SUGCT: variants seen among roughly 807,000 people sequenced by gnomAD.
SUGCT encodes the protein succinyl-CoA:glutarate-CoA transferase.
In SUGCT, 41 loss-of-function variants were observed where a neutral mutation model predicts 55.0. The ratio of observed to expected loss-of-function variants is 0.74; its 90% CI spans 0.58 to 0.97. SUGCT has a LOEUF of 0.97. SUGCT is among the 50% of genes least tolerant of loss of function. SUGCT has a pLI of 0.00. For missense variants in SUGCT, 568 were observed against 547.8 expected, an observed-to-expected ratio of 1.04 and a Z score of -0.37; for synonymous variants, 187 against 200.4, an observed-to-expected ratio of 0.93 and a Z score of 0.56.
the SUGCT span, among the ~76,000 whole-genome samples, chr7:40,942,506 T>A: frequency 1.3e-5 from 2 of 152,146 alleles, no homozygotes; most frequent in Non-Finnish European, 2.9e-5. Context: ...TTCCTTTACA[T>A]TGAGTTTAGA....
chr7:40,910,167 G>T, the SUGCT span, among the ~76,000 whole-genome samples: 1 of 151,706 alleles, frequency 6.6e-6, no homozygotes, highest in African/African-American at 2.4e-5. Flanking sequence ...CACAAAGAAG[G>T]ATTCTCTGAA....
chr7:40,343,162 C>T (rs943353458), intron 9 of SUGCT, among the ~76,000 whole-genome samples: 3 of 152,228 alleles, frequency 2.0e-5, no homozygotes, highest in South Asian at 2.1e-4. Flanking sequence ...AGCCTTCCAC[C>T]GATAGCTTTA....
At chr7:40,769,253 G>A (rs1788965490) in intron 13 of SUGCT, among the ~76,000 whole-genome samples, 1 of 152,182 alleles carries the variant, frequency 6.6e-6, no homozygotes, top group South Asian at 2.1e-4. Flanking sequence ...TTTAAGGTCA[G>A]TGACTGAGTT....
intron 9 of SUGCT, among the ~76,000 whole-genome samples, chr7:40,367,393 A>G (rs953855409): frequency 1.2e-4 from 18 of 151,694 alleles, no homozygotes; most frequent in Admixed American, 3.9e-4. Context: ...TTTTGCACCT[A>G]TACCCTAAAA....
chr7:40,953,966 C>T, the SUGCT span, among the ~76,000 whole-genome samples: 1 of 152,230 alleles, frequency 6.6e-6, no homozygotes, highest in African/African-American at 2.4e-5. Flanking sequence ...AGAACCACTA[C>T]TCTCTTCAAA....
intron 12 of SUGCT, among the ~76,000 whole-genome samples, chr7:40,579,417 G>A (rs1022915374): frequency 1.3e-5 from 2 of 152,130 alleles, no homozygotes; most frequent in South Asian, 4.1e-4. Context: ...GGGAGACAAT[G>A]CAGCTTTCAC....
the SUGCT span, among the ~76,000 whole-genome samples, chr7:40,899,551 A>G: frequency 6.6e-6 from 1 of 152,118 alleles, no homozygotes; most frequent in African/African-American, 2.4e-5. Context: ...AACTCATAAG[A>G]CGGCATTATG....
the SUGCT span, among the ~76,000 whole-genome samples, chr7:40,993,881 A>G: frequency 6.6e-6 from 1 of 152,242 alleles, no homozygotes; most frequent in Non-Finnish European, 1.5e-5. Flanking sequence ...TATTATCAGG[A>G]ACAAGTGAAA....
At chr7:40,879,401 T>C in the SUGCT span, among the ~76,000 whole-genome samples, 1 of 152,202 alleles carries the variant, frequency 6.6e-6, no homozygotes, top group Non-Finnish European at 1.5e-5. Context: ...AGGCATCATG[T>C]CATGTGTGTC....
At chr7:40,756,391 T>A (rs762720383) in intron 13 of SUGCT, among the ~76,000 whole-genome samples, 1 of 152,204 alleles carries the variant, frequency 6.6e-6, no homozygotes, top group Non-Finnish European at 1.5e-5. Flanking sequence ...AACAATTTAT[T>A]TTACTTATTT....
intron 9 of SUGCT, among the ~76,000 whole-genome samples, chr7:40,420,962 G>A (rs1040541212): frequency 3.9e-5 from 6 of 152,064 alleles, no homozygotes; most frequent in Non-Finnish European, 8.8e-5. Context: ...AAGCTATTAA[G>A]GTTCCACCCC....
intron 9 of SUGCT, among the ~76,000 whole-genome samples, chr7:40,364,298 C>A (rs1463700190): frequency 6.6e-6 from 1 of 151,682 alleles, no homozygotes. Flanking sequence ...TTAATTGGAG[C>A]ATTTAGTCCA....
intron 4 of SUGCT, 66 bp from the exon 5 acceptor site, chr7:40,189,478 G>T: frequency 2.5e-6 from 1 of 402,768 alleles, no homozygotes; most frequent in South Asian, 8.1e-5. Flanking sequence ...GCATAGTGGT[G>T]GGGATTGGGC....
At chr7:40,849,391 C>T (rs1793738769) in intron 13 of SUGCT, among the ~76,000 whole-genome samples, 1 of 152,080 alleles carries the variant, frequency 6.6e-6, no homozygotes. Flanking sequence ...TGAAGTTGAG[C>T]AATAGTTTGT....
chr7:40,545,613 CAAAG>C (rs1008641681), intron 12 of SUGCT, among the ~76,000 whole-genome samples: 1 of 152,090 alleles, frequency 6.6e-6, no homozygotes, highest in Admixed American at 6.5e-5. Flanking sequence ...GAAACCAAGA[CAAAG>C]GAAGGAGAAT....
At chr7:40,969,605 C>T in the SUGCT span, among the ~76,000 whole-genome samples, 1 of 152,170 alleles carries the variant, frequency 6.6e-6, no homozygotes, top group Non-Finnish European at 1.5e-5. Flanking sequence ...CATTCTTCCA[C>T]CCCAGCTTCC....
intron 12 of SUGCT, among the ~76,000 whole-genome samples, chr7:40,505,287 G>GT (rs150609449): frequency 0.025 from 3,745 of 151,392 alleles, 140 homozygotes; most frequent in African/African-American, 0.087. Flanking sequence ...GGTGGATCCT[G>GT]TTTTTTTTCT....
At chr7:40,936,503 G>T in the SUGCT span, among the ~76,000 whole-genome samples, 2 of 151,504 alleles carry the variant, frequency 1.3e-5, no homozygotes, top group African/African-American at 4.8e-5. Context: ...GTCAGGTCTG[G>T]CTAAAGGCTT....
chr7:40,853,531 A>T (rs913209680), intron 13 of SUGCT, among the ~76,000 whole-genome samples: 2 of 151,808 alleles, frequency 1.3e-5, no homozygotes, highest in Non-Finnish European at 2.9e-5. Context: ...CACCCCGCTA[A>T]TTTTTTGTAT....
Sources: gnomAD v4.1 joint callset for allele counts (sites outside exome capture counted in the v4.1 genomes callset) on GRCh38, gnomAD v4.1.1 for gene constraint, MANE v1.5 for transcripts, NCBI Gene and HGNC (gene_info 2026-07-23, HGNC 2026-07-21) for gene names.